Variants in P2RX4 observed in about 807,000 individuals in gnomAD.
P2RX4 encodes the protein P2X purinoceptor 4.
A neutral mutation model predicts 48.0 loss-of-function variants in P2RX4; 37 were observed. The observed-to-expected ratio is 0.77, with a 90% CI of 0.59 to 1.01. The LOEUF (loss-of-function observed/expected upper bound fraction) is 1.01. Among genes scored for constraint, P2RX4 ranks in the 50% least tolerant of loss-of-function variants. P2RX4 has a pLI of 0.00. For missense variants in P2RX4, 501 were observed against 521.4 expected (o/e 0.96, Z 0.38); for synonymous variants, 200 against 199.7 (o/e 1.00, Z -0.01).
rs1198624303 is a variant in P2RX4, at chr12:121,218,728, G to A, written c.282+1447G>A. Among the ~76,000 whole-genome samples, 8 of 152,308 alleles carry A rather than the reference G, an allele frequency of 5.3e-5. No homozygotes were observed. In the South Asian group the frequency reaches 1.5e-3, roughly 28 times the overall value. On this transcript the variant is annotated intron_variant, in intron 2 of 11. Transcript: ENST00000337233. ...AGCCTTCCGTGGTGGATCTGGGCGGGGGCCGTGTGAGTTCCCCAGGGCTTT... is the reference window on the plus strand; with the variant it reads ...AGCCTTCCGTGGTGGATCTGGGCGGAGGCCGTGTGAGTTCCCCAGGGCTTT...
intron 5 of P2RX4, among the ~76,000 whole-genome samples, chr12:121,223,957 C>T (rs1886817529): frequency 6.6e-6 from 1 of 152,226 alleles, no homozygotes; most frequent in Non-Finnish European, 1.5e-5. Flanking sequence ...GCCAGCTTCA[C>T]TCGCAGGACC....
In P2RX4 at chr12:121,233,098, C is replaced by T; in HGVS notation, c.1140+6C>T. Reference sequence around the variant, plus strand: ...ATGTGGAAGATTACGAGCAGGTAGGCCCCTCCTGGCCCCCAGCAGGCACAG... The same window carrying T: ...ATGTGGAAGATTACGAGCAGGTAGGTCCCTCCTGGCCCCCAGCAGGCACAG... On this transcript the variant is annotated splice_donor_region_variant and intron_variant, in intron 11 of 11. Coordinates refer to ENST00000337233, the MANE Select transcript of P2RX4 (RefSeq NM_002560.3). The T allele has an allele frequency of 6.3e-7, 1 of 1,578,914 alleles. No individual in the cohort carries two copies. Among genetic ancestry groups the T allele is most frequent in the Non-Finnish European group, 8.7e-7 (1 of 1,149,460 alleles).
In P2RX4 at chr12:121,229,009, G is replaced by A. The variant is rs369942958; in HGVS notation, c.794G>A (p.Arg265Lys). The A allele has an allele frequency of 8.7e-6, 14 of 1,613,974 alleles. No homozygotes were observed. Among genetic ancestry groups the A allele is most frequent in the South Asian group, 1.1e-5 (1 of 91,082 alleles). ...IQVNWDCNLD[R>K]AASLCLPRYS... ...GTCAACTGGGACTGCAACCTGGACA[G>A]AGCCGCCTCCCTCTGCTTGCCCAGG... Residue 265 changes from arginine (R) to lysine (K), a missense_variant, in exon 8 of 12, where the codon AGA (arginine) becomes AAA (lysine). Transcript: ENST00000337233. This position sits in a 1 kb window ranked among gnomAD's most constrained non-coding sequence, Gnocchi z 4.6.
rs988964035 is a variant in P2RX4, at chr12:121,212,472, G to A, written c.134+2174G>A. 2.7e-5 allele frequency among the ~76,000 whole-genome samples: 4 copies of A among 147,950 alleles called. No individual in the cohort carries two copies. In the South Asian group the frequency reaches 8.5e-4, roughly 32 times the overall value. ...TAAAATGGTAAATTGTACTGATGGA[G>A]CAGTGCAAAAAAAAGAATTTTTTTT... On this transcript the variant is annotated intron_variant, in intron 1 of 11. Coordinates refer to ENST00000337233, the MANE Select transcript of P2RX4 (RefSeq NM_002560.3).
chr12:121,233,494 C>T (rs776491222), intron 11 of P2RX4, 29 bp from the exon 12 acceptor site: 3 of 1,600,446 alleles, frequency 1.9e-6, no homozygotes, highest in Non-Finnish European at 2.6e-6. Context: ...CCCAGGGGCA[C>T]CTTGATCTGC....
chr12:121,229,026 T>C lies in P2RX4; in HGVS notation c.811T>C (p.Leu271=). The change falls in exon 8 of 12, where the codon TTG becomes CTG. Residue 271 remains leucine (L), a synonymous_variant. Transcript: ENST00000337233. The surrounding 1 kb of genome is among the most constrained non-coding windows in gnomAD (Gnocchi z 4.6). ...CNLDRAASLC[L]PRYSFRRLDT... ...CCTGGACAGAGCCGCCTCCCTCTGC[T>C]TGCCCAGGTACTCCTTCCGCCGCCT... is the stretch of plus-strand genomic sequence containing the variant. 3.7e-6 allele frequency: 6 copies of C among 1,614,086 alleles called. No individual in the cohort carries two copies. The highest frequency in any genetic ancestry group is 5.1e-6 in the Non-Finnish European group (6 of 1,180,020).
At chr12:121,210,402 C>A (rs1885747113) in intron 1 of P2RX4, 104 bp downstream of exon 1, 1 of 1,174,668 alleles carries the variant, frequency 8.5e-7, no homozygotes, top group Non-Finnish European at 1.1e-6. Context: ...CCGGGAGCGG[C>A]GAGCCGAGGC....
intron 2 of P2RX4, among the ~76,000 whole-genome samples, chr12:121,221,166 T>TTGTGTGTGTGTG (rs71079040): frequency 4.6e-4 from 46 of 100,858 alleles, no homozygotes; most frequent in Non-Finnish European, 3.5e-4. Context: ...CTGTGTGTGT[T>TTGTGTGTGTGTG]TGTGTGTGTG....
At chr12:121,223,135 G>GTTTGT in intron 5 of P2RX4, 92 bp downstream of exon 5, 1 of 791,692 alleles carries the variant, frequency 1.3e-6, no homozygotes. Flanking sequence ...GTGCAGTGGT[G>GTTTGT]CGATCTTGGC....
At chr12:121,233,485 C>T (rs775636996) in intron 11 of P2RX4, 38 bp from the exon 12 acceptor site, 4 of 1,594,694 alleles carry the variant, frequency 2.5e-6, no homozygotes, top group African/African-American at 1.3e-5. Context: ...ACAAGGGGTC[C>T]CAGGGGCACC....
Position 121,232,958 on chromosome 12 carries a change from C to A in P2RX4, c.1045-39C>A. 1.4e-6 allele frequency: 2 copies of A among 1,395,448 alleles called. No homozygotes were observed. The highest frequency in any genetic ancestry group is 1.0e-6 in the Non-Finnish European group (1 of 980,874). The allele number at this position is 1,395,448 out of a possible 1,614,324, so 86.4% of individuals were successfully genotyped here. On this transcript the variant is annotated intron_variant, in intron 10 of 11. Transcript: ENST00000337233. This position sits in a 1 kb window ranked among gnomAD's most constrained non-coding sequence, Gnocchi z 4.3. ...AAGAATAAGATGGGTTGATGGGTTG[C>A]AAGCATCCTGGCTCACTCTCACCCT...
chr12:121,223,226 C>G, intron 5 of P2RX4, 183 bp downstream of exon 5: 2 of 578,420 alleles, frequency 3.5e-6, no homozygotes, highest in Non-Finnish European at 3.1e-6. Flanking sequence ...AGGCACCCAC[C>G]ACCACGCCCA....
intron 5 of P2RX4, among the ~76,000 whole-genome samples, chr12:121,225,555 C>A (rs1480611464): frequency 6.6e-6 from 1 of 152,060 alleles, no homozygotes; most frequent in East Asian, 1.9e-4. Context: ...GGACTACAGG[C>A]GCCCACCACC....
intron 4 of P2RX4, 173 bp from the exon 5 acceptor site, chr12:121,222,774 G>A (rs1886725151): frequency 6.5e-7 from 1 of 1,530,986 alleles, no homozygotes; most frequent in Non-Finnish European, 8.8e-7. Context: ...ACAGGTAACT[G>A]TCTTCCTCCG....
intron 1 of P2RX4, among the ~76,000 whole-genome samples, chr12:121,212,349 G>A (rs1885916216): frequency 6.6e-6 from 1 of 152,076 alleles, no homozygotes; most frequent in Non-Finnish European, 1.5e-5. Context: ...AAGCCAAGGT[G>A]GGAGGATTGC....
intron 1 of P2RX4, chr12:121,212,808 A>AT (rs1885953529): frequency 1.3e-4 from 4 of 30,260 alleles, no homozygotes; most frequent in African/African-American, 5.9e-4. Context: ...ATATATATAT[A>AT]TATATATATA....
intron 2 of P2RX4, among the ~76,000 whole-genome samples, chr12:121,218,232 A>T (rs1886356714): frequency 6.6e-6 from 1 of 152,150 alleles, no homozygotes; most frequent in South Asian, 2.1e-4. Context: ...TCATGCCTGT[A>T]ATCCCAGCAC....
intron 4 of P2RX4, 66 bp from the exon 5 acceptor site, chr12:121,222,880 TC>T (rs1403803977): frequency 1.4e-6 from 2 of 1,433,686 alleles, no homozygotes; most frequent in African/African-American, 1.4e-5. Context: ...CACTCCCTAC[TC>T]CAAAAAGGTA....
chr12:121,225,891 C>CT (rs999138306), intron 5 of P2RX4, among the ~76,000 whole-genome samples: 3 of 151,164 alleles, frequency 2.0e-5, no homozygotes, highest in Admixed American at 6.6e-5. Flanking sequence ...TCATAAGATA[C>CT]TTTTTTTTTG....
Sources: allele counts gnomAD v4.1 joint callset (sites outside exome capture counted in the v4.1 genomes callset), GRCh38; gene constraint gnomAD v4.1.1; non-coding constraint Gnocchi (gnomAD v3.1); transcripts MANE v1.5; gene names NCBI Gene and HGNC (gene_info 2026-07-23, HGNC 2026-07-21).